Variants in PDIA5 observed in about 807,000 individuals in gnomAD.
PDIA5 encodes the protein protein disulfide isomerase family A member 5, also known as protein disulfide-isomerase A5.
Under a neutral mutation model 77.6 loss-of-function variants are expected in PDIA5, and 58 were observed. That is an observed-to-expected ratio of 0.75 (90% CI 0.61 to 0.93). PDIA5 has a LOEUF of 0.93. PDIA5 is among the 40% of genes least tolerant of loss of function. The pLI is 0.00. For synonymous variants in PDIA5, 250 were observed against 252.1 expected, an observed-to-expected ratio of 0.99 and a Z score of 0.08; for missense variants, 630 against 647.7, an observed-to-expected ratio of 0.97 and a Z score of 0.30.
At chr3:123,097,642 T>C (rs1278794707) in intron 3 of PDIA5, among the ~76,000 whole-genome samples, 2 of 152,154 alleles carry the variant, frequency 1.3e-5, no homozygotes, top group Non-Finnish European at 2.9e-5. Context: ...TCCTTGGTAC[T>C]TGGCATCAGG....
chr3:123,106,734 T>C lies in PDIA5; in HGVS notation c.388-15T>C, dbSNP rs536002438. 2.5e-5 allele frequency: 40 copies of C among 1,573,534 alleles called. No individual in the cohort carries two copies. The East Asian group carries it at 8.7e-4, about 34-fold the overall frequency. The stretch of plus-strand genomic sequence containing the variant: ...GGGCTAAAATGCATTTTCTCTTCTC[T>C]TTTTTTTCCCTCAGTCCATAGTGGC... On this transcript the variant is annotated splice_polypyrimidine_tract_variant and intron_variant, in intron 5 of 16. Transcript: ENST00000316218.
Position 123,124,071 on chromosome 3 carries a change from G to A in PDIA5, c.615G>A (p.Leu205=), listed in dbSNP as rs781258344. The A allele has an allele frequency of 1.2e-6, 2 of 1,612,898 alleles. No homozygotes were observed. The highest frequency in any genetic ancestry group is 1.3e-5 in the African/African-American group (1 of 75,020). Residue 205 remains leucine, a synonymous_variant, in exon 9 of 17, where the codon CTG becomes CTA. Transcript: ENST00000316218. ...AATQLRGHAV[L]AGMNVYSSEF... ...TCTTCTCCGCTTCCTCCCAGGTGCTGGCCGGGATGAATGTCTACTCCTCTG... is the reference window on the plus strand; with the variant it reads ...TCTTCTCCGCTTCCTCCCAGGTGCTAGCCGGGATGAATGTCTACTCCTCTG...
intron 10 of PDIA5, among the ~76,000 whole-genome samples, chr3:123,126,792 A>G (rs1295278645): frequency 6.6e-6 from 1 of 152,196 alleles, no homozygotes; most frequent in Non-Finnish European, 1.5e-5. Flanking sequence ...CCTAGGAGAG[A>G]AGACCTAGGT....
chr3:123,136,749 A>G (rs9873573), intron 11 of PDIA5, among the ~76,000 whole-genome samples: 3,366 of 125,534 alleles, frequency 0.027, 89 homozygotes, highest in African/African-American at 0.093. Context: ...AAAAAAAAAA[A>G]GGGGGTTGGG....
At position 123,102,492 on chromosome 3, in the gene PDIA5, C is replaced by T. The variant is rs1027517390; in HGVS notation, c.339C>T (p.Tyr113=). The change falls in exon 4 of 17, where the codon TAC becomes TAT. Residue 113 remains tyrosine, a splice_region_variant and synonymous_variant. Transcript: ENST00000316218. ...ACAAAAAGGTTGAATTATTCCATTA[C>T]CAGTAAGTACACATGGGCATTTCCA... is the stretch of plus-strand genomic sequence containing the variant. ...PKDKKVELFH[Y]QDGAFHTEYN... The T allele has an allele frequency of 1.2e-6, 2 of 1,609,388 alleles. No individual in the cohort carries two copies. The highest frequency in any genetic ancestry group is 2.2e-5 in the East Asian group (1 of 44,860).
intron 11 of PDIA5, among the ~76,000 whole-genome samples, chr3:123,143,365 TGACAGAGC>T (rs1935686097): frequency 7.5e-6 from 1 of 133,478 alleles, no homozygotes; most frequent in African/African-American, 2.9e-5. Context: ...CCAGCCTGGG[TGACAGAGC>T]GAGACTCCAT....
chr3:123,108,729 T>TA (rs1934796674), intron 6 of PDIA5, among the ~76,000 whole-genome samples: 2 of 151,098 alleles, frequency 1.3e-5, no homozygotes, highest in Non-Finnish European at 3.0e-5. Flanking sequence ...CTACTAAAGA[T>TA]AAAAAAATTA....
intron 1 of PDIA5, among the ~76,000 whole-genome samples, chr3:123,080,058 G>A (rs2107909702): frequency 6.6e-6 from 1 of 152,268 alleles, no homozygotes; most frequent in East Asian, 1.9e-4. Context: ...GGGGATTTGA[G>A]GTCACACGTG....
chr3:123,096,361 A>G (rs917345170), intron 3 of PDIA5, among the ~76,000 whole-genome samples: 20 of 151,290 alleles, frequency 1.3e-4, no homozygotes, highest in Admixed American at 7.2e-4. Flanking sequence ...TAAGTTTTGT[A>G]TTTTTTTTAT....
At chr3:123,146,327 AG>A in intron 13 of PDIA5, 68 bp downstream of exon 13, 1 of 1,343,834 alleles carries the variant, frequency 7.4e-7, no homozygotes, top group South Asian at 1.3e-5. Context: ...CACCTTGAGG[AG>A]GTGAAGTAAA....
At chr3:123,089,109 ATTCTT>A (rs1185026354) in intron 1 of PDIA5, 54 bp from the exon 2 acceptor site, 9 of 1,565,872 alleles carry the variant, frequency 5.7e-6, no homozygotes, top group Non-Finnish European at 7.0e-6. Context: ...ATGGGCACCG[ATTCTT>A]CTGGGGCCCA....
At chr3:123,153,834 A>G (rs1335287967) in intron 14 of PDIA5, among the ~76,000 whole-genome samples, 1 of 152,208 alleles carries the variant, frequency 6.6e-6, no homozygotes, top group African/African-American at 2.4e-5. Context: ...TTATTATCTT[A>G]TTTTAAAAAG....
chr3:123,114,052 C>T (rs1377363966), intron 7 of PDIA5, among the ~76,000 whole-genome samples: 1 of 152,174 alleles, frequency 6.6e-6, no homozygotes, highest in Non-Finnish European at 1.5e-5. Context: ...TCACCTCTCC[C>T]CAACCAATAA....
chr3:123,128,501 T>C (rs1935292967), intron 10 of PDIA5, among the ~76,000 whole-genome samples: 1 of 152,020 alleles, frequency 6.6e-6, no homozygotes, highest in South Asian at 2.1e-4. Context: ...AATTTATTTT[T>C]TATTTTTTAT....
intron 3 of PDIA5, among the ~76,000 whole-genome samples, chr3:123,093,529 G>T (rs1013042352): frequency 3.9e-5 from 6 of 152,214 alleles, no homozygotes; most frequent in African/African-American, 1.4e-4. Flanking sequence ...TTATTGTAGG[G>T]AGTGCTTATG....
chr3:123,129,502 A>G (rs1935324036), intron 10 of PDIA5, among the ~76,000 whole-genome samples: 1 of 152,178 alleles, frequency 6.6e-6, no homozygotes, highest in African/African-American at 2.4e-5. Context: ...CTGGAACTTT[A>G]AAATATTTCC....
intron 16 of PDIA5, 27 bp from the exon 17 acceptor site, chr3:123,161,853 C>T (rs1936166637): frequency 2.1e-6 from 3 of 1,397,244 alleles, no homozygotes; most frequent in Non-Finnish European, 3.0e-6. Context: ...AGCTCTTTCT[C>T]TCTCTCTCTC....
chr3:123,090,448 T>C (rs11709464), intron 2 of PDIA5, among the ~76,000 whole-genome samples: 9,021 of 152,178 alleles, frequency 0.059, 516 homozygotes, highest in African/African-American at 0.15. Flanking sequence ...TATAAGCTCA[T>C]CATAATACAG....
chr3:123,138,297 C>A (rs1422191524), intron 11 of PDIA5, among the ~76,000 whole-genome samples: 1 of 152,150 alleles, frequency 6.6e-6, no homozygotes, highest in African/African-American at 2.4e-5. Flanking sequence ...TTTACATAGT[C>A]CCCTTAACAT....
Sources: gnomAD v4.1 joint callset for allele counts (sites outside exome capture counted in the v4.1 genomes callset) on GRCh38, gnomAD v4.1.1 for gene constraint, MANE v1.5 for transcripts, NCBI Gene and HGNC (gene_info 2026-07-23, HGNC 2026-07-21) for gene names.